The following AGRN variants were observed in gnomAD, a reference collection of about 807,000 sequenced individuals.
AGRN encodes the protein agrin proteoglycan.
AGRN carries 106 observed loss-of-function variants against 211.0 expected under a neutral mutation model. The ratio of observed to expected loss-of-function variants is 0.50; its 90% confidence interval spans 0.43 to 0.59. AGRN has a LOEUF of 0.59. Ranked by LOEUF, AGRN falls within the 20% of genes least tolerant of loss-of-function variation. The pLI, the probability that AGRN is intolerant of heterozygous loss-of-function variation, is 0.00. For missense variants in AGRN, 3,040 were observed against 2,982.6 expected (o/e 1.02, Z -0.45); for synonymous variants, 1,525 against 1,332.5 (o/e 1.14, Z -3.15).
At chr1:1,024,866 G>A (rs891381532) in intron 2 of AGRN, among the ~76,000 whole-genome samples, 3 of 152,208 alleles carry the variant, frequency 2.0e-5, no homozygotes, top group African/African-American at 7.2e-5. Context: ...ACCTTTGGGC[G>A]GGGGAGGCCC....
In AGRN at chr1:1,032,944, C is replaced by T. The variant is rs549097924; in HGVS notation, c.464-2333C>T. ...ACCGGACGGGCCCCTCCCTTACCCCCGGATCCCCCGGCTGGGCAGCGGCCA... is the reference window on the plus strand; with the variant it reads ...ACCGGACGGGCCCCTCCCTTACCCCTGGATCCCCCGGCTGGGCAGCGGCCA... On this transcript the variant is annotated intron_variant, in intron 2 of 35. Transcript: ENST00000379370. The surrounding 1 kb of genome is among the most constrained non-coding windows in gnomAD (Gnocchi z 4.7). Among the ~76,000 whole-genome samples the T allele has an allele frequency of 1.1e-4, 17 of 152,182 alleles. No individual in the cohort carries two copies. The highest frequency in any genetic ancestry group is 9.8e-4 in the Admixed American group (15 of 15,306).
At position 1,046,251 on chromosome 1, in the gene AGRN, T is replaced by C. The variant is rs1645089697; in HGVS notation, c.2897T>C (p.Leu966Pro). Residue 966 changes from leucine to proline, a missense_variant, in exon 17 of 36, where the codon CTG becomes CCG. By Grantham distance (98) the Leu-to-Pro change is moderately conservative (BLOSUM62 -3). This residue lies in a region of AGRN where 1,498 missense variants were observed against 1,457.8 expected (regional missense o/e 1.03). Coordinates refer to ENST00000379370, the MANE Select transcript of AGRN (RefSeq NM_198576.4). ...RQGLQISIQS[L>P]GPCQEAVAPS... ...GGCCTGCAAATCTCTATCCAGAGCC[T>C]GGGCCCGTGCCAGGGTGAGGCCTGA... 1 of 1,613,482 alleles carries C rather than the reference T, an allele frequency of 6.2e-7. No individual in the cohort carries two copies. The highest frequency in any genetic ancestry group is 1.6e-4 in the Middle Eastern group (1 of 6,062).
At position 1,048,814 on chromosome 1, in the gene AGRN, A is replaced by G; in HGVS notation, c.4106-53A>G. The G allele has an allele frequency of 6.8e-7, 1 of 1,477,354 alleles. No homozygotes were observed. The highest frequency in any genetic ancestry group is 9.0e-7 in the Non-Finnish European group (1 of 1,112,186). The allele number at this position is 1,477,354 out of a possible 1,614,324, so 91.5% of individuals were successfully genotyped here. On this transcript the variant is annotated intron_variant, in intron 23 of 35. Coordinates refer to ENST00000379370, the MANE Select transcript of AGRN (RefSeq NM_198576.4). This position sits in a 1 kb window ranked among gnomAD's most constrained non-coding sequence, Gnocchi z 5.9. ...AGCAGGGGGCGGTTTCAGGGATAAA[A>G]GTGGGGAATCCTCGGAGCTTTTCCA...
At position 1,049,969 on chromosome 1, in the gene AGRN, G is replaced by A. The variant is rs772811721; in HGVS notation, c.4811G>A (p.Arg1604His). ...CCCTGCCATGGGGCGGCGCCCTGCCGTGTGCTGCCCGAGGGTGGTGCTCAG... is the reference window on the plus strand; with the variant it reads ...CCCTGCCATGGGGCGGCGCCCTGCCATGTGCTGCCCGAGGGTGGTGCTCAG... ...PNPCHGAAPC[R>H]VLPEGGAQCE... Residue 1604 changes from arginine to histidine, a missense_variant, in exon 27 of 36, where the codon CGT (arginine) becomes CAT (histidine). Physicochemically the swap from Arg to His is conservative, Grantham distance 29. Around this residue, in one of 3 missense-constraint regions of AGRN, gnomAD observed 1,537 missense variants for 1,505.0 expected, o/e 1.02. Transcript: ENST00000379370. The A allele has an allele frequency of 2.9e-5, 46 of 1,612,108 alleles. No individual in the cohort carries two copies. The highest frequency in any genetic ancestry group is 1.6e-4 in the Middle Eastern group (1 of 6,082).
intron 2 of AGRN, 138 bp downstream of exon 2, chr1:1,022,600 T>TGTGGTCTGA: frequency 4.9e-6 from 4 of 808,482 alleles, no homozygotes; most frequent in Middle Eastern, 3.8e-4. Context: ...TGGTCCAACC[T>TGTGGTCTGA]CATTCTCTGC....
chr1:1,039,346 T>C (rs1163104830), intron 3 of AGRN, among the ~76,000 whole-genome samples: 4 of 147,380 alleles, frequency 2.7e-5, no homozygotes, highest in Non-Finnish European at 6.0e-5. Context: ...CGCCAGAGCC[T>C]GGGGTGGGCT....
rs114268650 is a variant in AGRN, at chr1:1,024,902, C to T, written c.463+2440C>T. Among the ~76,000 whole-genome samples the T allele has an allele frequency of 3.7e-3, 565 of 152,348 alleles. 9 individuals carry two copies. The highest frequency in any genetic ancestry group is 0.013 in the African/African-American group (528 of 41,586). On this transcript the variant is annotated intron_variant, in intron 2 of 35. Coordinates refer to ENST00000379370, the MANE Select transcript of AGRN (RefSeq NM_198576.4). Reference sequence around the variant, plus strand: ...GCTGCTCCCTCCGGAAGGAGACCCCCGCCCCTGCTTTGTCAGGGAAGTGGC... The same window carrying T: ...GCTGCTCCCTCCGGAAGGAGACCCCTGCCCCTGCTTTGTCAGGGAAGTGGC...
intron 2 of AGRN, among the ~76,000 whole-genome samples, chr1:1,023,982 G>A (rs2100569017): frequency 6.6e-6 from 1 of 152,286 alleles, no homozygotes; most frequent in African/African-American, 2.4e-5. Context: ...AGGGGCTGTG[G>A]CCACCGGACC....
chr1:1,044,505 G>T, intron 12 of AGRN, 66 bp downstream of exon 12: 2 of 1,499,014 alleles, frequency 1.3e-6, no homozygotes. Context: ...GTGTCTGGAT[G>T]TGGGCGTGCC....
rs2100661318 is a variant in AGRN, at chr1:1,046,883, G to A, written c.3314G>A (p.Cys1105Tyr). ...TPGPPVERAS[C>Y]YNSALGCCSD... ...GGGCCACCTGTCGAGAGGGCTTCCT[G>A]CTACAACTCCGCGTTGGGCTGCTGC... is the stretch of plus-strand genomic sequence containing the variant. The change falls in exon 19 of 36, where the codon TGC becomes TAC. Residue 1105 changes from cysteine (C) to tyrosine (Y), a missense_variant. Physicochemically the swap from Cys to Tyr is radical, Grantham distance 194. Transcript: ENST00000379370. 6.3e-7 allele frequency: 1 copy of A among 1,586,940 alleles called. No homozygotes were observed. Among genetic ancestry groups the A allele is most frequent in the East Asian group, 2.3e-5 (1 of 43,964 alleles).
Position 1,048,385 on chromosome 1 carries a change from A to C in AGRN, c.4105+20A>C. 8.3e-7 allele frequency: 1 copy of C among 1,204,010 alleles called. No individual in the cohort carries two copies. The allele number at this position is 1,204,010 out of a possible 1,614,324, so 74.6% of individuals were successfully genotyped here. ...AGAAGGGTAAGGATGTCCACTGCAGAGGAGGGCGGGGAGGCAGCAGGGTGG... is the reference window on the plus strand; with the variant it reads ...AGAAGGGTAAGGATGTCCACTGCAGCGGAGGGCGGGGAGGCAGCAGGGTGG... On this transcript the variant is annotated intron_variant, in intron 23 of 35. Transcript: ENST00000379370. This position sits in a 1 kb window ranked among gnomAD's most constrained non-coding sequence, Gnocchi z 5.9.
At chr1:1,040,956 C>T (rs1434176586) in intron 4 of AGRN, 76 bp downstream of exon 4, 2 of 407,226 alleles carry the variant, frequency 4.9e-6, no homozygotes, top group Non-Finnish European at 6.7e-6. Flanking sequence ...GGAGGGGCTT[C>T]GGGGCCAGTG....
At position 1,045,717 on chromosome 1, in the gene AGRN, C is replaced by T. The variant is rs764411753; in HGVS notation, c.2537-16C>T. ...CCAGGTGCGGACATCACGTTCCTCC[C>T]CGATTTTCCCCAAAGCCTGCAGCTG... On this transcript the variant is annotated splice_polypyrimidine_tract_variant and intron_variant, in intron 14 of 35. Transcript: ENST00000379370. 6.2e-7 allele frequency: 1 copy of T among 1,613,280 alleles called. No homozygotes were observed. Among genetic ancestry groups the T allele is most frequent in the Admixed American group, 1.7e-5 (1 of 60,028 alleles).
At chr1:1,040,458 C>G (rs1201320471) in intron 3 of AGRN, among the ~76,000 whole-genome samples, 1 of 152,164 alleles carries the variant, frequency 6.6e-6, no homozygotes. Context: ...AGGCCCGGGG[C>G]TGGCGGGAAT....
At chr1:1,044,993 A>T (rs1645050452) in intron 12 of AGRN, among the ~76,000 whole-genome samples, 168 bp from the exon 13 acceptor site, 1 of 152,108 alleles carries the variant, frequency 6.6e-6, no homozygotes. Context: ...CTTGCGTAAG[A>T]TGTGGGAGCC....
chr1:1,042,773 GGTGGCTT>G (rs1370983753), intron 7 of AGRN, among the ~76,000 whole-genome samples: 1 of 152,080 alleles, frequency 6.6e-6, no homozygotes, highest in Non-Finnish European at 1.5e-5. Flanking sequence ...CGGCAGGGGG[GGTGGCTT>G]GCTGCTGCCT....
At chr1:1,038,302 C>T (rs1401108471) in intron 3 of AGRN, among the ~76,000 whole-genome samples, 1 of 152,180 alleles carries the variant, frequency 6.6e-6, no homozygotes, top group Non-Finnish European at 1.5e-5. Flanking sequence ...AGTGCTCAGC[C>T]TGGCTTCAAG....
chr1:1,040,880 G>A lies in AGRN; in HGVS notation c.727G>A (p.Gly243Ser). The change falls in exon 4 of 36, where the codon GGC becomes AGC. Residue 243 changes from glycine (G) to serine (S), a missense_variant and splice_region_variant. By Grantham distance (56) the Gly-to-Ser change is moderately conservative. Coordinates refer to ENST00000379370, the MANE Select transcript of AGRN (RefSeq NM_198576.4). ...CCGCCTGCTCAGCCGCGGGCCGTGCGGTGAGCGGGGCGGGGCCGGTGCCTG... is the reference window on the plus strand; with the variant it reads ...CCGCCTGCTCAGCCGCGGGCCGTGCAGTGAGCGGGGCGGGGCCGGTGCCTG... ...RIRLLSRGPC[G>S]SRDPCSNVTC... 1.3e-6 allele frequency: 2 copies of A among 1,511,322 alleles called. No individual in the cohort carries two copies. Among genetic ancestry groups the A allele is most frequent in the Non-Finnish European group, 1.8e-6 (2 of 1,137,912 alleles). 93.6% of individuals were successfully genotyped at this position (1,511,322 alleles called of 1,614,324 possible).
At chr1:1,035,563 C>G (rs1644784850) in intron 3 of AGRN, among the ~76,000 whole-genome samples, 1 of 152,242 alleles carries the variant, frequency 6.6e-6, no homozygotes, top group African/African-American at 2.4e-5. Context: ...GCCTCAGCCC[C>G]CTCAGCCTCA....
Sources: gnomAD v4.1 joint callset for allele counts (sites outside exome capture counted in the v4.1 genomes callset) on GRCh38, gnomAD v4.1.1 for gene constraint, gnomAD v4.1.1 regional missense constraint, Gnocchi (gnomAD v3.1) non-coding constraint, MANE v1.5 for transcripts, NCBI Gene and HGNC (gene_info 2026-07-23, HGNC 2026-07-21) for gene names.